CORIN: variants seen among roughly 807,000 people sequenced by gnomAD.
CORIN encodes the protein atrial natriuretic peptide-converting enzyme.
CORIN carries 117 observed loss-of-function variants against 125.3 expected under a neutral mutation model. The observed-to-expected ratio is 0.93, with a 90% confidence interval of 0.80 to 1.09. The LOEUF (loss-of-function observed/expected upper bound fraction) is 1.09. Ranked by LOEUF, CORIN falls within the 50% of genes least tolerant of loss-of-function variation. The pLI is 0.00. For missense variants in CORIN, 1,253 were observed against 1,306.7 expected, an observed-to-expected ratio of 0.96 and a Z score of 0.63; for synonymous variants, 450 against 466.4, an observed-to-expected ratio of 0.96 and a Z score of 0.45.
At chr4:47,711,531 G>A (rs1467151250) in intron 5 of CORIN, among the ~76,000 whole-genome samples, 2 of 152,244 alleles carry the variant, frequency 1.3e-5, no homozygotes, top group Admixed American at 6.5e-5. Flanking sequence ...CACAGGTGAA[G>A]ACCATAGTCT....
At chr4:47,621,362 A>G (rs1394669344) in intron 19 of CORIN, among the ~76,000 whole-genome samples, 1 of 152,210 alleles carries the variant, frequency 6.6e-6, no homozygotes. Flanking sequence ...AACAGGCAGC[A>G]TCTACTGTCA....
At chr4:47,773,821 A>G (rs1730169977) in intron 3 of CORIN, among the ~76,000 whole-genome samples, 1 of 151,676 alleles carries the variant, frequency 6.6e-6, no homozygotes, top group Admixed American at 6.6e-5. Flanking sequence ...CTAGGTATAT[A>G]TATTTATTAA....
chr4:47,641,786 G>T, intron 16 of CORIN, 134 bp downstream of exon 16: 1 of 1,048,428 alleles, frequency 9.5e-7, no homozygotes, highest in Non-Finnish European at 1.4e-6. Context: ...CCTCTCACCT[G>T]ATTCATTTCC....
rs1353500236 is a variant in CORIN at position 47,662,503 on chromosome 4, G to C, written c.1590-647C>G. Among the ~76,000 whole-genome samples the C allele has an allele frequency of 2.0e-5, 3 of 151,976 alleles. No homozygotes were observed. The South Asian group carries it at 6.2e-4, about 32-fold the overall frequency. ...GTGCGTATTATGTCTTTTGTCTCCAGAATATTTTTAAGTTAAAGTATCAGC... is the reference window on the plus strand; with the variant it reads ...GTGCGTATTATGTCTTTTGTCTCCACAATATTTTTAAGTTAAAGTATCAGC... On this transcript the variant is annotated intron_variant, in intron 11 of 21. Coordinates refer to ENST00000273857, the MANE Select transcript of CORIN (RefSeq NM_006587.4).
chr4:47,613,747 G>C (rs985993307), intron 19 of CORIN, among the ~76,000 whole-genome samples: 1 of 143,954 alleles, frequency 6.9e-6, no homozygotes, highest in Non-Finnish European at 1.5e-5. Flanking sequence ...TCATAGGTGG[G>C]AATTGAACAA....
chr4:47,723,247 G>C (rs944960252), intron 5 of CORIN, among the ~76,000 whole-genome samples: 3 of 152,204 alleles, frequency 2.0e-5, no homozygotes, highest in African/African-American at 7.2e-5. Context: ...AGAGGACCAG[G>C]GCAAATGGTC....
At position 47,744,328 on chromosome 4, in the gene CORIN, T is replaced by C. The variant is rs902996435; in HGVS notation, c.799+74A>G. On this transcript the variant is annotated intron_variant, in intron 5 of 21. Transcript: ENST00000273857. ...AATTTATCAGACTGTACACTTATTATTTATATCCATTCCTGTATAAATGGC... is the reference window on the plus strand; with the variant it reads ...AATTTATCAGACTGTACACTTATTACTTATATCCATTCCTGTATAAATGGC... 6 of 1,333,550 alleles carry C rather than the reference T, an allele frequency of 4.5e-6. No homozygotes were observed. The African/African-American group carries it at 8.7e-5, about 19-fold the overall frequency. 82.6% of individuals were successfully genotyped at this position (1,333,550 alleles called of 1,614,324 possible).
At chr4:47,749,462 T>C (rs990595910) in intron 4 of CORIN, among the ~76,000 whole-genome samples, 3 of 152,170 alleles carry the variant, frequency 2.0e-5, no homozygotes, top group African/African-American at 7.2e-5. Flanking sequence ...AACTGAAGTT[T>C]TTCCAAGAAT....
rs780361498 is a variant in CORIN, at chr4:47,595,875, T to A, written c.2975A>T (p.Glu992Val). ...MGDSGGPLVC[E>V]KPGGRWTLFG... is the part of the protein sequence containing the mutation. ...TAATGTCCACCGTCCTCCAGGCTTC[T>A]CACAAACAAGAGGCCCACCGCTGTC... The change falls in exon 22 of 22, where the codon GAG becomes GTG. Residue 992 changes from glutamate to valine, a missense_variant. Glu to Val is a moderately radical substitution (Grantham distance 121). Coordinates refer to ENST00000273857, the MANE Select transcript of CORIN (RefSeq NM_006587.4). 1 of 1,611,180 alleles carries A rather than the reference T, an allele frequency of 6.2e-7. No homozygotes were observed. Among genetic ancestry groups the A allele is most frequent in the Admixed American group, 1.7e-5 (1 of 59,100 alleles).
rs567282862 is a variant in CORIN, at chr4:47,746,764, C to G, written c.618-2181G>C. 2.3e-3 allele frequency among the ~76,000 whole-genome samples: 351 copies of G among 152,182 alleles called. 3 individuals are homozygous for G. The highest frequency in any genetic ancestry group is 7.5e-4 in the Non-Finnish European group (51 of 68,000). On this transcript the variant is annotated intron_variant, in intron 4 of 21. Transcript: ENST00000273857. ...GGCCAGGCTGGTCTCAAACTCCTGACCTCAGGTGATCTGCCCACCTTAGCC... is the reference window on the plus strand; with the variant it reads ...GGCCAGGCTGGTCTCAAACTCCTGAGCTCAGGTGATCTGCCCACCTTAGCC...
intron 5 of CORIN, chr4:47,706,344 T>C: frequency 6.5e-7 from 1 of 1,548,786 alleles, no homozygotes; most frequent in South Asian, 1.1e-5. Context: ...TGCCTTTCCG[T>C]CTGGCGGCAG....
chr4:47,767,058 G>C (rs764894031), intron 3 of CORIN, among the ~76,000 whole-genome samples: 16 of 151,974 alleles, frequency 1.1e-4, no homozygotes, highest in Non-Finnish European at 1.9e-4. Context: ...GGGGAAAAAG[G>C]CATAAACTCA....
chr4:47,726,518 T>G (rs1727605113), intron 5 of CORIN, among the ~76,000 whole-genome samples: 1 of 152,044 alleles, frequency 6.6e-6, no homozygotes, highest in South Asian at 2.1e-4. Context: ...GGAGAACAGA[T>G]CAGCAGTTTC....
intron 19 of CORIN, among the ~76,000 whole-genome samples, chr4:47,622,852 CTTTG>C (rs1238674383): frequency 6.6e-6 from 1 of 151,970 alleles, no homozygotes; most frequent in Admixed American, 6.6e-5. Flanking sequence ...CAAAACAAAC[CTTTG>C]TTTGTCATCA....
At chr4:47,797,828 C>A (rs1322285347) in intron 2 of CORIN, among the ~76,000 whole-genome samples, 1 of 151,994 alleles carries the variant, frequency 6.6e-6, no homozygotes, top group Admixed American at 6.6e-5. Context: ...AAAGAATTAT[C>A]TCATGTAGAA....
Position 47,661,782 on chromosome 4 carries a change from G to A in CORIN, c.1664C>T (p.Thr555Ile), listed in dbSNP as rs75770792. Residue 555 changes from threonine (T) to isoleucine (I), a missense_variant, in exon 12 of 22, where the codon ACA becomes ATA. By Grantham distance (89) the Thr-to-Ile change is moderately conservative. Transcript: ENST00000273857. Reference protein sequence around the residue: ...GIVGLQWPEDTDCSQFPEENS... With the variant: ...GIVGLQWPEDIDCSQFPEENS... Reference sequence around the variant, plus strand: ...TTCCTCTGGAAATTGACTGCAATCTGTGTCTTCAGGCCACTGTAGGCCCAC... The same window carrying A: ...TTCCTCTGGAAATTGACTGCAATCTATGTCTTCAGGCCACTGTAGGCCCAC... 3.3e-3 allele frequency: 5,378 copies of A among 1,613,568 alleles called. 168 individuals are homozygous for A. In the African/African-American group the frequency reaches 0.064, roughly 19 times the overall value.
At chr4:47,717,845 T>C (rs991250665) in intron 5 of CORIN, among the ~76,000 whole-genome samples, 5 of 152,164 alleles carry the variant, frequency 3.3e-5, no homozygotes, top group African/African-American at 1.2e-4. Context: ...CCATTGATAT[T>C]GCTTTAGGGA....
chr4:47,674,324 C>A, intron 10 of CORIN, 69 bp downstream of exon 10: 1 of 1,069,478 alleles, frequency 9.4e-7, no homozygotes, highest in South Asian at 1.3e-5. Context: ...ATTTGAATGT[C>A]AATGCAGAAG....
At chr4:47,623,441 G>A in intron 19 of CORIN, 130 bp downstream of exon 19, 1 of 921,174 alleles carries the variant, frequency 1.1e-6, no homozygotes, top group East Asian at 2.6e-5. Flanking sequence ...GGAAGATAAA[G>A]GCCTGGGAAG....
Sources: allele counts gnomAD v4.1 joint callset (sites outside exome capture counted in the v4.1 genomes callset), GRCh38; gene constraint gnomAD v4.1.1; transcripts MANE v1.5; gene names NCBI Gene and HGNC (gene_info 2026-07-23, HGNC 2026-07-21).